Variants in FGL1 observed in about 807,000 individuals in gnomAD.
FGL1 encodes the protein fibrinogen-like protein 1.
FGL1 carries 59 observed loss-of-function variants against 43.7 expected under a neutral mutation model. The ratio of observed to expected loss-of-function variants is 1.35; its 90% CI spans 1.10 to 1.68. The LOEUF (loss-of-function observed/expected upper bound fraction) is 1.68. FGL1 is among the 40% of genes most tolerant of loss of function. The pLI is 0.00. For synonymous variants in FGL1, 192 were observed against 126.5 expected (o/e 1.52, Z -3.48); for missense variants, 596 against 373.0 (o/e 1.60, Z -4.92).
At chr8:17,874,571 C>A (rs2131708034) in intron 3 of FGL1, 50 bp from the exon 4 acceptor site, 2 of 1,505,150 alleles carry the variant, frequency 1.3e-6, no homozygotes, top group East Asian at 2.3e-5. Context: ...CTTTTTCTCC[C>A]CCCGCCTTAG....
intron 3 of FGL1, among the ~76,000 whole-genome samples, chr8:17,875,187 T>C (rs1339895478): frequency 6.6e-6 from 1 of 152,198 alleles, no homozygotes; most frequent in Non-Finnish European, 1.5e-5. Flanking sequence ...ATCTTTATTA[T>C]TATACTTTAA....
intron 2 of FGL1, 132 bp from the exon 3 acceptor site, chr8:17,882,311 A>C: frequency 1.2e-6 from 1 of 868,484 alleles, no homozygotes; most frequent in Non-Finnish European, 1.7e-6. Flanking sequence ...TCCAAAGAGA[A>C]AGTGGCTTGA....
chr8:17,891,522 A>T (rs2053704783), intron 1 of FGL1: 1 of 198,714 alleles, frequency 5.0e-6, no homozygotes, highest in African/African-American at 2.4e-5. Flanking sequence ...GTATGACCTC[A>T]TCTTAACTCA....
intron 3 of FGL1, among the ~76,000 whole-genome samples, chr8:17,878,074 A>G (rs34822787): frequency 3.7e-3 from 558 of 152,172 alleles, no homozygotes; most frequent in African/African-American, 0.013. Flanking sequence ...CTCCTGCCTC[A>G]GCCTCCTGAG....
chr8:17,879,295 C>A (rs1376129712), intron 3 of FGL1, among the ~76,000 whole-genome samples: 1 of 151,988 alleles, frequency 6.6e-6, no homozygotes, highest in East Asian at 1.9e-4. Context: ...TTCCAAGTAA[C>A]TGATTTCTTG....
chr8:17,875,479 ATC>A lies in FGL1; in HGVS notation c.245-960_245-959del, dbSNP rs1390710478. ...TACCCCTTTGTCACCAAAAAGTGAT[ATC>A]TCTTTCTTTCTTTCTTTCTTTCTTT... On this transcript the variant is annotated intron_variant, in intron 3 of 7. Transcript: ENST00000427924. Among the ~76,000 whole-genome samples the A allele has an allele frequency of 5.0e-5, 3 of 60,154 alleles. 1 individual carries two copies. The highest frequency in any genetic ancestry group is 7.5e-4 in the East Asian group (2 of 2,680). The allele number at this position is 60,154 out of a possible 152,430, so 39.5% of individuals were successfully genotyped here. A position where few individuals can be genotyped will look rare whatever the true frequency, so the allele number is the denominator to read the frequency against.
intron 1 of FGL1, among the ~76,000 whole-genome samples, chr8:17,890,596 C>T (rs2053690012): frequency 6.6e-6 from 1 of 152,134 alleles, no homozygotes; most frequent in African/African-American, 2.4e-5. Context: ...TATAAAATAA[C>T]AGCTGTCCCC....
intron 1 of FGL1, among the ~76,000 whole-genome samples, chr8:17,886,713 G>A (rs1186553448): frequency 7.2e-5 from 11 of 152,044 alleles, no homozygotes; most frequent in South Asian, 2.1e-4. Context: ...AGCCGAGATC[G>A]TGCCAATGCA....
intron 5 of FGL1, among the ~76,000 whole-genome samples, chr8:17,870,272 A>T (rs557948337): frequency 1.3e-5 from 2 of 152,210 alleles, no homozygotes; most frequent in African/African-American, 4.8e-5. Flanking sequence ...TTATGTTTTT[A>T]AAATGATTAA....
In FGL1 at chr8:17,868,942, T is replaced by G. The variant is rs2053314472; in HGVS notation, c.565A>C (p.Lys189Gln). The change falls in exon 6 of 8, where the codon AAG becomes CAG. Residue 189 changes from lysine to glutamine, a missense_variant. Physicochemically the swap from Lys to Gln is moderately conservative, Grantham distance 53. Coordinates refer to ENST00000427924, the MANE Select transcript of FGL1 (RefSeq NM_004467.4). ...FEKNSRYAQYKNFKVGDEKNF... is the reference protein window; with the variant it reads ...FEKNSRYAQYQNFKVGDEKNF... The stretch of plus-strand genomic sequence containing the variant: ...TTTTCATCTCCAACTTTGAAATTCT[T>G]ATATTGTGCATAACGGCTATTTTTT... 5.6e-6 allele frequency: 9 copies of G among 1,603,292 alleles called. No homozygotes were observed. Among genetic ancestry groups the G allele is most frequent in the Non-Finnish European group, 7.6e-6 (9 of 1,176,794 alleles).
At chr8:17,875,551 T>TC (rs2053440430) in intron 3 of FGL1, among the ~76,000 whole-genome samples, 1 of 16,718 alleles carries the variant, frequency 6.0e-5, no homozygotes, top group Non-Finnish European at 2.0e-4. Context: ...CTTTCTTTCT[T>TC]TCTTTCTTTC....
chr8:17,883,800 C>CCTTCCT (rs202027564), intron 2 of FGL1, among the ~76,000 whole-genome samples: 3,042 of 132,576 alleles, frequency 0.023, 57 homozygotes, highest in South Asian at 0.045. Flanking sequence ...TTTTCCTTCC[C>CCTTCCT]CTTCCCCTTT....
intron 7 of FGL1, 51 bp from the exon 8 acceptor site, chr8:17,864,802 T>C (rs369543470): frequency 4.4e-6 from 6 of 1,353,990 alleles, no homozygotes; most frequent in South Asian, 2.2e-5. Flanking sequence ...TGGAAAAATA[T>C]TGTTCAGAAT....
intron 2 of FGL1, among the ~76,000 whole-genome samples, chr8:17,883,141 A>G (rs2053570759): frequency 1.0e-5 from 1 of 98,544 alleles, no homozygotes. Context: ...TAAATAATAT[A>G]TAATATATAT....
At position 17,874,421 on chromosome 8, in the gene FGL1, G is replaced by A. The variant is rs368709329; in HGVS notation, c.345C>T (p.Ser115=). Residue 115 remains serine, a synonymous_variant, in exon 4 of 8, where the codon TCC becomes TCT. Coordinates refer to ENST00000427924, the MANE Select transcript of FGL1 (RefSeq NM_004467.4). ...GAATTACAGTCCATCCTCCTCCATC[G>A]GACATGTCACAATAAACAGAAAATT... ...PAEFSVYCDM[S]DGGGWTVIQR... The A allele has an allele frequency of 2.7e-4, 441 of 1,613,974 alleles. 3 individuals carry two copies. The South Asian group carries it at 4.1e-3, about 15-fold the overall frequency.
At position 17,895,452 on chromosome 8, in the gene FGL1, G is replaced by T; in HGVS notation, c.-23C>A. On this transcript the variant is annotated 5_prime_UTR_variant, in exon 1 of 8. Transcript: ENST00000427924. ...AGAGACATTAAATAACTTGCCTAAA[G>T]TCAGAAGTGAGTCAGAGACCCAGCT... The T allele has an allele frequency of 3.1e-6, 4 of 1,283,650 alleles. No homozygotes were observed. The highest frequency in any genetic ancestry group is 4.1e-6 in the Non-Finnish European group (4 of 984,122). 79.5% of individuals were successfully genotyped at this position (1,283,650 alleles called of 1,614,324 possible). A position where few individuals can be genotyped will look rare whatever the true frequency, so the allele number is the denominator to read the frequency against.
intron 5 of FGL1, among the ~76,000 whole-genome samples, chr8:17,872,579 A>G (rs1204551684): frequency 6.6e-6 from 1 of 152,202 alleles, no homozygotes; most frequent in Non-Finnish European, 1.5e-5. Context: ...CTGGGATTAC[A>G]GGCATGAGCC....
At chr8:17,888,502 A>T (rs975360753) in intron 1 of FGL1, among the ~76,000 whole-genome samples, 12 of 152,208 alleles carry the variant, frequency 7.9e-5, no homozygotes, top group Non-Finnish European at 1.5e-4. Context: ...ATGTCTACAA[A>T]TTAAGAAAAT....
At chr8:17,891,888 T>C in intron 1 of FGL1, 1 of 590,670 alleles carries the variant, frequency 1.7e-6, no homozygotes, top group Non-Finnish European at 2.1e-6. Context: ...ATATGTCATG[T>C]CAATATGTAA....
Sources: allele counts gnomAD v4.1 joint callset (sites outside exome capture counted in the v4.1 genomes callset), GRCh38; gene constraint gnomAD v4.1.1; transcripts MANE v1.5; gene names NCBI Gene and HGNC (gene_info 2026-07-23, HGNC 2026-07-21).